Variants in SGO2 observed in about 807,000 individuals in gnomAD.
SGO2 encodes shugoshin 2.
A neutral mutation model predicts 99.5 loss-of-function variants in SGO2; 68 were observed. The ratio of observed to expected loss-of-function variants is 0.68; its 90% confidence interval spans 0.56 to 0.84. The LOEUF is 0.84. SGO2 is among the 40% of genes least tolerant of loss of function. The pLI is 0.00. For missense variants in SGO2, 1,350 were observed against 1,436.7 expected (o/e 0.94, Z 0.97); for synonymous variants, 457 against 487.1 (o/e 0.94, Z 0.81).
chr2:200,559,386 G>T (rs1159835649), intron 5 of SGO2, among the ~76,000 whole-genome samples: 1 of 151,934 alleles, frequency 6.6e-6, no homozygotes, highest in Non-Finnish European at 1.5e-5. Context: ...CTCATTTGGA[G>T]CTATGTTGTT....
At chr2:200,566,267 C>G (rs1283168423) in intron 5 of SGO2, among the ~76,000 whole-genome samples, 1 of 151,986 alleles carries the variant, frequency 6.6e-6, no homozygotes, top group African/African-American at 2.4e-5. Flanking sequence ...TGTCCTTTCT[C>G]TTTGTTAGTT....
chr2:200,541,021 GATA>G (rs2031936644), intron 4 of SGO2, among the ~76,000 whole-genome samples: 1 of 78,702 alleles, frequency 1.3e-5, no homozygotes, highest in East Asian at 2.5e-4. Flanking sequence ...GTCATCCCAT[GATA>G]GAAGGTGGAA....
intron 5 of SGO2, among the ~76,000 whole-genome samples, chr2:200,559,253 A>C (rs2032845507): frequency 6.6e-6 from 1 of 152,138 alleles, no homozygotes; most frequent in Admixed American, 6.5e-5. Flanking sequence ...TTATGTGCTT[A>C]ATGTGTTTTG....
intron 5 of SGO2, among the ~76,000 whole-genome samples, chr2:200,548,233 A>G (rs923121909): frequency 2.6e-5 from 4 of 151,810 alleles, no homozygotes; most frequent in African/African-American, 9.7e-5. Flanking sequence ...CTTAGGCACA[A>G]ACAAATCTGT....
chr2:200,538,435 C>T (rs535846946), intron 4 of SGO2, among the ~76,000 whole-genome samples: 1 of 152,284 alleles, frequency 6.6e-6, no homozygotes, highest in Admixed American at 6.5e-5. Context: ...TTTAAACACT[C>T]CTCACCCCTG....
intron 8 of SGO2, among the ~76,000 whole-genome samples, chr2:200,582,042 A>T (rs1020669822): frequency 6.6e-6 from 1 of 152,110 alleles, no homozygotes; most frequent in Non-Finnish European, 1.5e-5. Context: ...CCACATTTAC[A>T]CACATGCATG....
chr2:200,583,403 A>G (rs780092436), intron 8 of SGO2, 46 bp from the exon 9 acceptor site: 1 of 1,545,068 alleles, frequency 6.5e-7, no homozygotes, highest in South Asian at 1.3e-5. Flanking sequence ...CAGCAAAAGC[A>G]TTAATTTTGG....
intron 5 of SGO2, among the ~76,000 whole-genome samples, chr2:200,557,848 C>T (rs575129794): frequency 5.0e-4 from 75 of 149,474 alleles, no homozygotes; most frequent in Admixed American, 7.4e-4. Flanking sequence ...TTTTTTCTTA[C>T]CTTGTTGCAT....
chr2:200,547,999 A>C (rs1051918468), intron 5 of SGO2, among the ~76,000 whole-genome samples: 6 of 151,312 alleles, frequency 4.0e-5, no homozygotes, highest in Non-Finnish European at 8.8e-5. Flanking sequence ...TATAAAGCCA[A>C]CATTACTAGA....
intron 8 of SGO2, among the ~76,000 whole-genome samples, chr2:200,581,807 T>C (rs566033629): frequency 1.3e-5 from 2 of 152,362 alleles, no homozygotes; most frequent in South Asian, 4.1e-4. Context: ...GCATGCACTG[T>C]ACATTTAAAC....
intron 8 of SGO2, chr2:200,576,109 A>G: frequency 2.5e-6 from 1 of 392,578 alleles, no homozygotes; most frequent in South Asian, 1.9e-5. Context: ...ATCACATCTA[A>G]CAAAAAAGAA....
intron 5 of SGO2, among the ~76,000 whole-genome samples, chr2:200,546,636 G>C (rs2032232673): frequency 6.6e-6 from 1 of 151,922 alleles, no homozygotes; most frequent in African/African-American, 2.4e-5. Flanking sequence ...ACAAAGAAAA[G>C]CAGCTCAGAA....
chr2:200,533,070 A>G lies in SGO2; in HGVS notation c.95A>G (p.Asn32Ser), dbSNP rs758781707. 8.8e-6 allele frequency: 14 copies of G among 1,593,866 alleles called. No homozygotes were observed. The Admixed American group carries it at 9.2e-5, about 10-fold the overall frequency. ...DKRISKTTKLNVSLASKIKTK... is the reference protein window; with the variant it reads ...DKRISKTTKLSVSLASKIKTK... Reference sequence around the variant, plus strand: ...AGAATTTCAAAGACTACTAAGTTGAATGTTTCTCTTGCTTCAAAAATAAAA... The same window carrying G: ...AGAATTTCAAAGACTACTAAGTTGAGTGTTTCTCTTGCTTCAAAAATAAAA... Residue 32 changes from asparagine to serine, a missense_variant, in exon 2 of 9, where the codon AAT (asparagine) becomes AGT (serine). Transcript: ENST00000357799.
Position 200,571,648 on chromosome 2 carries a change from A to T in SGO2, c.1302A>T (p.Glu434Asp). The T allele has an allele frequency of 6.2e-7, 1 of 1,613,544 alleles. No individual in the cohort carries two copies. Among genetic ancestry groups the T allele is most frequent in the African/African-American group, 1.3e-5 (1 of 75,024 alleles). The change falls in exon 7 of 9, where the codon GAA becomes GAT. Residue 434 changes from glutamate to aspartate, a missense_variant. Glu to Asp is a conservative substitution (Grantham distance 45). Coordinates refer to ENST00000357799, the MANE Select transcript of SGO2 (RefSeq NM_152524.6). ...DIGEKIENRTERSDVLDGKRG... is the reference protein window; with the variant it reads ...DIGEKIENRTDRSDVLDGKRG... ...GGGAAAAGATTGAAAACAGGACAGAAAGATCTGATGTCCTGGATGGCAAAA... is the reference window on the plus strand; with the variant it reads ...GGGAAAAGATTGAAAACAGGACAGATAGATCTGATGTCCTGGATGGCAAAA...
At chr2:200,533,178 C>G in intron 2 of SGO2, 70 bp downstream of exon 2, 2 of 1,436,646 alleles carry the variant, frequency 1.4e-6, no homozygotes, top group Admixed American at 2.5e-5. Context: ...TATTTGCTAC[C>G]TTATTTTATC....
At position 200,575,477 on chromosome 2, in the gene SGO2, G is replaced by T; in HGVS notation, c.3782+16G>T. The T allele has an allele frequency of 6.6e-6, 10 of 1,524,566 alleles. No individual in the cohort carries two copies. The highest frequency in any genetic ancestry group is 1.3e-5 in the South Asian group (1 of 77,572). 94.4% of individuals were successfully genotyped at this position (1,524,566 alleles called of 1,614,324 possible). A position where few individuals can be genotyped will look rare whatever the true frequency, so the allele number is the denominator to read the frequency against. On this transcript the variant is annotated intron_variant, in intron 8 of 8. Transcript: ENST00000357799. ...GCCTCAGAGAGTAAGTATTTCAAAT[G>T]ATTTTAGTATGCCATTATAAAATAT... is the stretch of plus-strand genomic sequence containing the variant.
intron 5 of SGO2, among the ~76,000 whole-genome samples, chr2:200,567,328 A>T (rs1355075590): frequency 2.6e-5 from 4 of 152,308 alleles, no homozygotes; most frequent in African/African-American, 9.6e-5. Flanking sequence ...TTGTTCATTT[A>T]ACAAACTCAG....
intron 7 of SGO2, among the ~76,000 whole-genome samples, chr2:200,574,394 G>A (rs1375389854): frequency 6.6e-6 from 1 of 152,026 alleles, no homozygotes; most frequent in Non-Finnish European, 1.5e-5. Context: ...TATATTTAAT[G>A]TGATCAAACC....
At chr2:200,576,854 T>TC (rs1296937162) in intron 8 of SGO2, among the ~76,000 whole-genome samples, 2 of 152,220 alleles carry the variant, frequency 1.3e-5, no homozygotes, top group Non-Finnish European at 2.9e-5. Flanking sequence ...TTCTTTCATA[T>TC]CATAGCATGT....
Sources: allele counts gnomAD v4.1 joint callset (sites outside exome capture counted in the v4.1 genomes callset), GRCh38; gene constraint gnomAD v4.1.1; transcripts MANE v1.5; gene names NCBI Gene and HGNC (gene_info 2026-07-23, HGNC 2026-07-21).